The following DGKB variants were observed in gnomAD, a reference collection of about 807,000 sequenced individuals.
The protein encoded by DGKB is 90 kDa diacylglycerol kinase.
In DGKB, 67 loss-of-function variants were observed where a neutral mutation model predicts 114.3. The observed-to-expected ratio is 0.59, with a 90% CI of 0.48 to 0.72. DGKB has a LOEUF of 0.72. DGKB is among the 30% of genes least tolerant of loss of function. The pLI is 0.00. For missense variants in DGKB, 907 were observed against 975.2 expected, an observed-to-expected ratio of 0.93 and a Z score of 0.93; for synonymous variants, 398 against 323.1, an observed-to-expected ratio of 1.23 and a Z score of -2.49.
intron 25 of DGKB, among the ~76,000 whole-genome samples, chr7:14,162,635 C>G (rs1279568984): frequency 1.3e-5 from 2 of 151,992 alleles, no homozygotes; most frequent in African/African-American, 4.8e-5. Context: ...AAACTAATGA[C>G]TAGATTAATT....
At chr7:14,491,217 T>C (rs965281592) in intron 20 of DGKB, among the ~76,000 whole-genome samples, 4 of 152,064 alleles carry the variant, frequency 2.6e-5, no homozygotes, top group Admixed American at 2.0e-4. Context: ...AATTTAATCA[T>C]GGGGGCTTTT....
intron 23 of DGKB, among the ~76,000 whole-genome samples, chr7:14,335,831 G>A (rs1024604578): frequency 6.6e-6 from 1 of 152,114 alleles, no homozygotes; most frequent in African/African-American, 2.4e-5. Flanking sequence ...ATAGCTCACT[G>A]TAGTCTTGAA....
At chr7:14,715,600 G>C (rs1828053445) in intron 6 of DGKB, among the ~76,000 whole-genome samples, 1 of 152,254 alleles carries the variant, frequency 6.6e-6, no homozygotes, top group South Asian at 2.1e-4. Context: ...CTACCTGATA[G>C]AGCCTTGGGA....
At position 14,924,616 on chromosome 7, in the gene DGKB, T is replaced by C. The variant is rs938753418; in HGVS notation, c.-188+50080A>G. On this transcript the variant is annotated intron_variant, in intron 1 of 4. Coordinates refer to the DGKB transcript ENST00000437998. The stretch of plus-strand genomic sequence containing the variant: ...ATAGTTCACTAGTGCCCTCTTCAGA[T>C]AGGTTTAATCTAATAAAAATTCATC... Among the ~76,000 whole-genome samples the C allele has an allele frequency of 2.6e-5, 4 of 152,182 alleles. No homozygotes were observed. The East Asian group carries it at 5.8e-4, about 22-fold the overall frequency.
intron 21 of DGKB, among the ~76,000 whole-genome samples, chr7:14,447,979 C>T (rs778303516): frequency 1.3e-5 from 2 of 152,080 alleles, no homozygotes; most frequent in African/African-American, 2.4e-5. Context: ...ACATTTCAAT[C>T]TCTTTAAAAC....
At chr7:14,874,671 G>C (rs945841695) in intron 1 of DGKB, among the ~76,000 whole-genome samples, 1 of 151,946 alleles carries the variant, frequency 6.6e-6, no homozygotes, top group African/African-American at 2.4e-5. Context: ...AAAGAAGTGG[G>C]GGAATATTGC....
intron 1 of DGKB, among the ~76,000 whole-genome samples, chr7:14,879,086 T>G (rs1214218320): frequency 6.6e-6 from 1 of 151,912 alleles, no homozygotes; most frequent in Non-Finnish European, 1.5e-5. Flanking sequence ...GAGGAAAATG[T>G]CACACAGATC....
intron 21 of DGKB, among the ~76,000 whole-genome samples, chr7:14,407,400 C>A (rs1012791571): frequency 2.6e-5 from 4 of 152,132 alleles, no homozygotes; most frequent in South Asian, 4.1e-4. Flanking sequence ...TTCAGTTGAT[C>A]TAGGCTGGAC....
chr7:14,219,784 C>A (rs1417125970), intron 23 of DGKB, among the ~76,000 whole-genome samples: 1 of 151,596 alleles, frequency 6.6e-6, no homozygotes, highest in Non-Finnish European at 1.5e-5. Flanking sequence ...TGATGAAGTC[C>A]AATTTACATA....
chr7:14,952,283 G>A (rs1417772710), intron 1 of DGKB, among the ~76,000 whole-genome samples: 2 of 152,062 alleles, frequency 1.3e-5, no homozygotes, highest in South Asian at 2.1e-4. Flanking sequence ...AAAATTATAA[G>A]ACTATAAATC....
chr7:14,372,703 T>C (rs1182903092), intron 21 of DGKB, among the ~76,000 whole-genome samples: 1 of 152,086 alleles, frequency 6.6e-6, no homozygotes, highest in Admixed American at 6.6e-5. Flanking sequence ...ATCTATACTC[T>C]TATCTACTCA....
At chr7:14,330,033 G>T (rs1157592567) in intron 23 of DGKB, among the ~76,000 whole-genome samples, 6 of 151,904 alleles carry the variant, frequency 3.9e-5, no homozygotes, top group Non-Finnish European at 7.4e-5. Flanking sequence ...AGATATCAAG[G>T]TCTACAGAAC....
chr7:14,618,130 A>ACG (rs1182550036), intron 15 of DGKB, among the ~76,000 whole-genome samples: 1 of 151,492 alleles, frequency 6.6e-6, no homozygotes, highest in East Asian at 1.9e-4. Flanking sequence ...ACACACACAC[A>ACG]CACACACACG....
At chr7:14,824,270 AT>A (rs377243631) in intron 2 of DGKB, among the ~76,000 whole-genome samples, 2,333 of 152,072 alleles carry the variant, frequency 0.015, 42 homozygotes, top group African/African-American at 0.048. Flanking sequence ...TGTTCTCCTC[AT>A]TTTTTTTCTC....
At chr7:14,878,864 TCCA>T (rs1853771182) in intron 1 of DGKB, among the ~76,000 whole-genome samples, 19 of 152,128 alleles carry the variant, frequency 1.2e-4, no homozygotes, top group African/African-American at 4.6e-4. Context: ...TTCTATTGAA[TCCA>T]TTGCAAATCT....
At chr7:14,773,983 T>C (rs1327368391) in intron 2 of DGKB, among the ~76,000 whole-genome samples, 1 of 152,192 alleles carries the variant, frequency 6.6e-6, no homozygotes, top group Non-Finnish European at 1.5e-5. Context: ...CAAATGGACT[T>C]AAATTACTAG....
Position 14,720,766 on chromosome 7 carries a change from A to G in DGKB, c.323-2081T>C, listed in dbSNP as rs926171576. 3.2e-4 allele frequency among the ~76,000 whole-genome samples: 49 copies of G among 152,114 alleles called. 1 individual carries two copies. Among genetic ancestry groups the G allele is most frequent in the Middle Eastern group, 6.8e-3 (2 of 294 alleles). ...TTGTAAACGGAATTTCCTTTTTAAT[A>G]GAAGTATCAGTGTATGTCTAATACA... On this transcript the variant is annotated intron_variant, in intron 5 of 25. Coordinates refer to ENST00000402815, the MANE Select transcript of DGKB (RefSeq NM_001350709.2).
At chr7:14,418,580 T>C (rs1383729353) in intron 21 of DGKB, among the ~76,000 whole-genome samples, 2 of 151,662 alleles carry the variant, frequency 1.3e-5, no homozygotes, top group East Asian at 1.9e-4. Context: ...ACCCTGATGG[T>C]TTGTATCAGT....
chr7:14,629,546 T>G lies in DGKB; in HGVS notation c.1167+690A>C, dbSNP rs1316801904. 3.9e-5 allele frequency among the ~76,000 whole-genome samples: 6 copies of G among 152,208 alleles called. No individual in the cohort carries two copies. The East Asian group carries it at 1.2e-3, about 29-fold the overall frequency. On this transcript the variant is annotated intron_variant, in intron 14 of 25. Transcript: ENST00000402815. Reference sequence around the variant, plus strand: ...AAATAAGCAGATTTTAATTACAATTTTAGGGAAACAATACCATTTGGGCAT... The same window carrying G: ...AAATAAGCAGATTTTAATTACAATTGTAGGGAAACAATACCATTTGGGCAT...
Sources: allele counts gnomAD v4.1 joint callset (sites outside exome capture counted in the v4.1 genomes callset), GRCh38; gene constraint gnomAD v4.1.1; transcripts MANE v1.5; gene names NCBI Gene and HGNC (gene_info 2026-07-23, HGNC 2026-07-21).